The following EPHA7 variants were observed in gnomAD, a reference collection of about 807,000 sequenced individuals.
EPHA7 encodes the protein ephrin type-A receptor 7.
Under a neutral mutation model 112.6 loss-of-function variants are expected in EPHA7, and 25 were observed. The ratio of observed to expected loss-of-function variants is 0.22; its 90% CI spans 0.16 to 0.31. The LOEUF (loss-of-function observed/expected upper bound fraction) is 0.31. EPHA7 is among the 10% of genes least tolerant of loss of function. The pLI is 1.00. For synonymous variants in EPHA7, 437 were observed against 406.5 expected (o/e 1.07, Z -0.90); for missense variants, 962 against 1,212.6 (o/e 0.79, Z 3.07).
At chr6:93,372,690 A>G in intron 3 of EPHA7, among the ~76,000 whole-genome samples, 1 of 152,100 alleles carries the variant, frequency 6.6e-6, no homozygotes, top group Non-Finnish European at 1.5e-5. Flanking sequence ...TATGGCCTCA[A>G]ATGGCATAGG....
chr6:93,270,864 C>T (rs764026988), intron 6 of EPHA7, among the ~76,000 whole-genome samples: 119 of 151,660 alleles, frequency 7.8e-4, no homozygotes, highest in Non-Finnish European at 8.1e-4. Context: ...CAATATAATA[C>T]AATACAATAT....
At chr6:93,263,654 G>A (rs1379927844) in intron 9 of EPHA7, among the ~76,000 whole-genome samples, 1 of 151,354 alleles carries the variant, frequency 6.6e-6, no homozygotes, top group African/African-American at 2.4e-5. Context: ...GCAATTATAT[G>A]ACATTTCTGA....
intron 14 of EPHA7, among the ~76,000 whole-genome samples, chr6:93,248,100 A>G (rs933574154): frequency 1.6e-5 from 2 of 128,006 alleles, no homozygotes; most frequent in Admixed American, 1.7e-4. Flanking sequence ...ATGTAACAAA[A>G]AATGACCCTC....
intron 5 of EPHA7, among the ~76,000 whole-genome samples, chr6:93,288,379 T>C (rs1217172950): frequency 6.6e-6 from 1 of 152,174 alleles, no homozygotes; most frequent in Non-Finnish European, 1.5e-5. Flanking sequence ...CAAAGCAGTT[T>C]CGTGGTTGCC....
intron 1 of EPHA7, among the ~76,000 whole-genome samples, chr6:93,418,421 T>C (rs1779351964): frequency 6.6e-6 from 1 of 152,238 alleles, no homozygotes; most frequent in African/African-American, 2.4e-5. Context: ...CTCGGATTCC[T>C]CAATTGCTGC....
chr6:93,292,937 G>A (rs147045205), intron 5 of EPHA7, among the ~76,000 whole-genome samples: 2 of 152,048 alleles, frequency 1.3e-5, no homozygotes, highest in African/African-American at 4.8e-5. Flanking sequence ...TTAAATTCAT[G>A]CTGATCTGTG....
At chr6:93,367,336 G>A (rs1776565440) in intron 3 of EPHA7, among the ~76,000 whole-genome samples, 1 of 152,046 alleles carries the variant, frequency 6.6e-6, no homozygotes, top group Non-Finnish European at 1.5e-5. Flanking sequence ...ATTTACTAAA[G>A]TATCATAAAT....
intron 5 of EPHA7, among the ~76,000 whole-genome samples, chr6:93,348,478 C>T (rs1427756996): frequency 6.6e-6 from 1 of 151,736 alleles, no homozygotes; most frequent in Non-Finnish European, 1.5e-5. Context: ...ATATTTTCAA[C>T]AAGCTTTCAA....
At chr6:93,342,887 T>C (rs942250422) in intron 5 of EPHA7, among the ~76,000 whole-genome samples, 2 of 151,748 alleles carry the variant, frequency 1.3e-5, no homozygotes, top group South Asian at 2.1e-4. Flanking sequence ...ACGTCTTTAC[T>C]GATATGTGTA....
intron 16 of EPHA7, 86 bp from the exon 17 acceptor site, chr6:93,243,626 C>T (rs748851801): frequency 3.6e-5 from 32 of 894,622 alleles, no homozygotes; most frequent in Admixed American, 5.3e-5. Flanking sequence ...TAATTAAATA[C>T]GTTATCTTAG....
chr6:93,411,190 G>C lies in EPHA7; in HGVS notation c.163-20C>G, dbSNP rs1374607196. 6.3e-7 allele frequency: 1 copy of C among 1,580,966 alleles called. No homozygotes were observed. The highest frequency in any genetic ancestry group is 8.6e-7 in the Non-Finnish European group (1 of 1,159,370). On this transcript the variant is annotated intron_variant, in intron 2 of 16. Coordinates refer to ENST00000369303, the MANE Select transcript of EPHA7 (RefSeq NM_004440.4). ...TTCCCACTGTAAAATTTGAAAAAAG[G>C]TCATCAGTCATTCAGCAAAAAATAA...
chr6:93,280,331 A>G (rs976621068), intron 5 of EPHA7, among the ~76,000 whole-genome samples: 4 of 152,184 alleles, frequency 2.6e-5, no homozygotes, highest in Non-Finnish European at 5.9e-5. Flanking sequence ...TGTTGGCATC[A>G]TATCTATAAT....
Position 93,269,649 on chromosome 6 carries a change from T to G in EPHA7, c.1461A>C (p.Glu487Asp), listed in dbSNP as rs1771113438. ...TGGTTTTTACTGTTGAGTAGGTCCG[T>G]TCCCTTTGATCCTAGAAACAATATT... Reference protein sequence around the residue: ...EIKYYEKDQRERTYSTVKTKS... With the variant: ...EIKYYEKDQRDRTYSTVKTKS... Residue 487 changes from glutamate (E) to aspartate (D), a missense_variant, in exon 7 of 17, where the codon GAA becomes GAC. By Grantham distance (45) the Glu-to-Asp change is conservative. Coordinates refer to ENST00000369303, the MANE Select transcript of EPHA7 (RefSeq NM_004440.4). The G allele has an allele frequency of 6.5e-7, 1 of 1,539,204 alleles. No homozygotes were observed. The highest frequency in any genetic ancestry group is 8.7e-7 in the Non-Finnish European group (1 of 1,148,562).
At chr6:93,397,734 T>C (rs1046653786) in intron 3 of EPHA7, among the ~76,000 whole-genome samples, 3 of 151,970 alleles carry the variant, frequency 2.0e-5, no homozygotes, top group Non-Finnish European at 4.4e-5. Flanking sequence ...TATATGAATA[T>C]AATGTACATT....
intron 5 of EPHA7, among the ~76,000 whole-genome samples, chr6:93,327,493 G>A (rs1469086382): frequency 1.3e-5 from 2 of 151,384 alleles, no homozygotes; most frequent in Non-Finnish European, 3.0e-5. Context: ...TAAACTAGAG[G>A]CAACTGTAGC....
At chr6:93,317,025 C>CCCAG (rs1773849081) in intron 5 of EPHA7, among the ~76,000 whole-genome samples, 1 of 152,094 alleles carries the variant, frequency 6.6e-6, no homozygotes, top group African/African-American at 2.4e-5. Flanking sequence ...GTCATTTCTC[C>CCCAG]CTGGCTGCTC....
chr6:93,331,313 A>T (rs1774581820), intron 5 of EPHA7, among the ~76,000 whole-genome samples: 1 of 151,390 alleles, frequency 6.6e-6, no homozygotes, highest in Admixed American at 6.6e-5. Context: ...GTGTTTTTTA[A>T]GATCTTCAAT....
In EPHA7 at chr6:93,243,559, CTTT is replaced by C. The variant is rs1358754181; in HGVS notation, c.2883-22_2883-20del. The C allele has an allele frequency of 1.3e-5, 20 of 1,535,212 alleles. No individual in the cohort carries two copies. Among genetic ancestry groups the C allele is most frequent in the Admixed American group, 6.7e-5 (4 of 59,874 alleles). ...CACATCCCTGAAAAAGACAAATGCA[CTTT>C]TTATTAGGTACCTTACAAAGAATAA... is the stretch of plus-strand genomic sequence containing the variant. On this transcript the variant is annotated intron_variant, in intron 16 of 16. Transcript: ENST00000369303.
At chr6:93,294,145 A>G (rs964964677) in intron 5 of EPHA7, among the ~76,000 whole-genome samples, 3 of 152,212 alleles carry the variant, frequency 2.0e-5, no homozygotes, top group Non-Finnish European at 2.9e-5. Flanking sequence ...TCTTGCTGCT[A>G]TCTACTCAGT....
Sources: allele counts gnomAD v4.1 joint callset (sites outside exome capture counted in the v4.1 genomes callset), GRCh38; gene constraint gnomAD v4.1.1; transcripts MANE v1.5; gene names NCBI Gene and HGNC (gene_info 2026-07-23, HGNC 2026-07-21).